PRKCQ: variants seen among roughly 807,000 people sequenced by gnomAD.
PRKCQ encodes protein kinase C theta, also known as protein kinase C theta type.
PRKCQ carries 41 observed loss-of-function variants against 91.2 expected under a neutral mutation model. The observed-to-expected ratio is 0.45, with a 90% CI of 0.35 to 0.58. The LOEUF is 0.58. Among genes scored for constraint, PRKCQ ranks in the 20% least tolerant of loss-of-function variants. The pLI, the probability that PRKCQ is intolerant of heterozygous loss-of-function variation, is 0.00. For missense variants in PRKCQ, 673 were observed against 896.5 expected, an observed-to-expected ratio of 0.75 and a Z score of 3.18; for synonymous variants, 307 against 316.9, an observed-to-expected ratio of 0.97 and a Z score of 0.33.
chr10:6,401,633 G>C, the PRKCQ span, among the ~76,000 whole-genome samples: 1 of 152,038 alleles, frequency 6.6e-6, no homozygotes, highest in Non-Finnish European at 1.5e-5. Context: ...CAGCCACTTG[G>C]TGAGGATTGC....
At chr10:6,410,134 A>T in the PRKCQ span, among the ~76,000 whole-genome samples, 6 of 152,284 alleles carry the variant, frequency 3.9e-5, no homozygotes, top group East Asian at 1.2e-3. Flanking sequence ...ATTACTTACC[A>T]CTGACAAGAA....
the PRKCQ span, among the ~76,000 whole-genome samples, chr10:6,413,541 A>G: frequency 5.5e-3 from 461 of 84,264 alleles, 17 homozygotes; most frequent in Non-Finnish European, 9.0e-3. Context: ...ACTTGTGCAC[A>G]CACACACACA....
At chr10:6,537,498 C>T (rs1839627655) in intron 1 of PRKCQ, among the ~76,000 whole-genome samples, 1 of 152,140 alleles carries the variant, frequency 6.6e-6, no homozygotes, top group Admixed American at 6.5e-5. Context: ...AACTCAGGTG[C>T]CACAGAAGCT....
At chr10:6,527,617 G>C (rs1173005383) in intron 1 of PRKCQ, among the ~76,000 whole-genome samples, 1 of 152,136 alleles carries the variant, frequency 6.6e-6, no homozygotes, top group Non-Finnish European at 1.5e-5. Context: ...GGAGAGGTAA[G>C]CCTGGAAGCC....
At chr10:6,480,544 A>G (rs3793729) in intron 11 of PRKCQ, among the ~76,000 whole-genome samples, 50,957 of 152,112 alleles carry the variant, frequency 0.33, 8,987 homozygotes, top group East Asian at 0.48. Context: ...GTTTTATTTC[A>G]CAGACATTTA....
chr10:6,486,158 G>A lies in PRKCQ; in HGVS notation c.791-14C>T. ...TCATGCCACATGCTGGAAGGAAGAA[G>A]GCAGATAGTGAGCAAGAGTGGAAGA... On this transcript the variant is annotated splice_polypyrimidine_tract_variant and intron_variant, in intron 8 of 17. Transcript: ENST00000263125. 1.9e-6 allele frequency: 3 copies of A among 1,607,232 alleles called. No homozygotes were observed. Among genetic ancestry groups the A allele is most frequent in the Non-Finnish European group, 1.7e-6 (2 of 1,173,874 alleles).
intron 1 of PRKCQ, among the ~76,000 whole-genome samples, chr10:6,573,652 C>T (rs143931168): frequency 2.6e-5 from 4 of 152,268 alleles, no homozygotes; most frequent in Non-Finnish European, 4.4e-5. Context: ...TTCTTGCCCA[C>T]AGGGAAAAAA....
At chr10:6,445,511 T>G (rs1834234545) in intron 15 of PRKCQ, among the ~76,000 whole-genome samples, 1 of 152,218 alleles carries the variant, frequency 6.6e-6, no homozygotes, top group Non-Finnish European at 1.5e-5. Flanking sequence ...TCTTATAAGC[T>G]TCTTGTGAGA....
chr10:6,540,423 G>A (rs555242659), intron 1 of PRKCQ, among the ~76,000 whole-genome samples: 20 of 152,040 alleles, frequency 1.3e-4, no homozygotes, highest in Non-Finnish European at 1.9e-4. Context: ...ATAACTGCTC[G>A]TCTACTTTCT....
chr10:6,492,032 G>A (rs1369331936), intron 7 of PRKCQ, among the ~76,000 whole-genome samples: 2 of 152,188 alleles, frequency 1.3e-5, no homozygotes, highest in Non-Finnish European at 2.9e-5. Flanking sequence ...CCTTCTGCAT[G>A]TAGCAAGAAC....
At chr10:6,529,580 C>A (rs1415288921) in intron 1 of PRKCQ, among the ~76,000 whole-genome samples, 2 of 152,170 alleles carry the variant, frequency 1.3e-5, no homozygotes, top group Non-Finnish European at 2.9e-5. Context: ...CATTCTCGAA[C>A]CTTTGCATGG....
intron 11 of PRKCQ, among the ~76,000 whole-genome samples, chr10:6,481,946 A>G (rs1044590848): frequency 6.6e-6 from 1 of 151,694 alleles, no homozygotes; most frequent in African/African-American, 2.4e-5. Flanking sequence ...AGTCACCGGT[A>G]GTTGGTTATA....
chr10:6,573,215 C>T (rs962458984), intron 1 of PRKCQ, among the ~76,000 whole-genome samples: 9 of 152,148 alleles, frequency 5.9e-5, no homozygotes, highest in African/African-American at 1.7e-4. Context: ...GTTTGAAAAA[C>T]TGTGTAGAAG....
At chr10:6,471,774 T>TGAC (rs1183522040) in intron 12 of PRKCQ, among the ~76,000 whole-genome samples, 1 of 151,396 alleles carries the variant, frequency 6.6e-6, no homozygotes, top group African/African-American at 2.4e-5. Flanking sequence ...AACACAACAA[T>TGAC]GACAACAACA....
intron 1 of PRKCQ, among the ~76,000 whole-genome samples, chr10:6,554,110 G>A (rs1276496693): frequency 6.6e-6 from 1 of 152,084 alleles, no homozygotes; most frequent in Non-Finnish European, 1.5e-5. Context: ...TTACCTCTCT[G>A]GGTCTAATGT....
At chr10:6,454,091 C>T (rs1834874125) in intron 15 of PRKCQ, among the ~76,000 whole-genome samples, 1 of 151,960 alleles carries the variant, frequency 6.6e-6, no homozygotes, top group Non-Finnish European at 1.5e-5. Context: ...TAAATTAATG[C>T]AATTTAGTTA....
the PRKCQ span, among the ~76,000 whole-genome samples, chr10:6,406,134 G>A: frequency 6.6e-5 from 10 of 152,138 alleles, no homozygotes; most frequent in African/African-American, 2.4e-4. Context: ...AGATTATAAG[G>A]AGTGAAATCT....
chr10:6,458,137 T>C (rs7893745), intron 14 of PRKCQ, among the ~76,000 whole-genome samples: 9,098 of 152,256 alleles, frequency 0.06, 608 homozygotes, highest in East Asian at 0.35. Context: ...GGTCTCACTA[T>C]GTTGCCAAGG....
the PRKCQ span, among the ~76,000 whole-genome samples, chr10:6,407,434 T>C: frequency 2.0e-5 from 3 of 151,888 alleles, no homozygotes; most frequent in Non-Finnish European, 2.9e-5. This position sits in a 1 kb window ranked among gnomAD's most constrained non-coding sequence, Gnocchi z 4.0. Context: ...GAAAGCTACA[T>C]GTGTGCGCAT....
Sources: gnomAD v4.1 joint callset for allele counts (sites outside exome capture counted in the v4.1 genomes callset) on GRCh38, gnomAD v4.1.1 for gene constraint, Gnocchi (gnomAD v3.1) non-coding constraint, MANE v1.5 for transcripts, NCBI Gene and HGNC (gene_info 2026-07-23, HGNC 2026-07-21) for gene names.